Variants in PDE4D observed in about 807,000 individuals in gnomAD.
PDE4D encodes 3',5'-cyclic-AMP phosphodiesterase 4D.
PDE4D carries 24 observed loss-of-function variants against 87.4 expected under a neutral mutation model. The ratio of observed to expected loss-of-function variants is 0.27; its 90% CI spans 0.20 to 0.39. PDE4D has a LOEUF of 0.39. PDE4D is among the 10% of genes least tolerant of loss of function. PDE4D has a pLI of 1.00. For synonymous variants in PDE4D, 384 were observed against 383.2 expected, an observed-to-expected ratio of 1.00 and a Z score of -0.02; for missense variants, 714 against 1,041.0, an observed-to-expected ratio of 0.69 and a Z score of 4.32.
chr5:59,201,520 T>A (rs1456278158), intron 2 of PDE4D, among the ~76,000 whole-genome samples: 1 of 152,106 alleles, frequency 6.6e-6, no homozygotes, highest in African/African-American at 2.4e-5. Context: ...AGGCATTAGA[T>A]TTTTTTATAA....
chr5:60,445,691 T>C (rs574794913), intron 1 of PDE4D, among the ~76,000 whole-genome samples: 2 of 152,234 alleles, frequency 1.3e-5, no homozygotes, highest in Non-Finnish European at 2.9e-5. Context: ...GTTCCAGTTA[T>C]GTAAAATGAT....
chr5:60,515,414 C>T (rs1750748501), intron 1 of PDE4D, among the ~76,000 whole-genome samples: 2 of 152,106 alleles, frequency 1.3e-5, no homozygotes, highest in African/African-American at 2.4e-5. Flanking sequence ...CATTAATTTA[C>T]ATCTTTACTG....
chr5:59,896,906 A>G (rs1294736606), upstream of PDE4D, among the ~76,000 whole-genome samples: 2 of 152,220 alleles, frequency 1.3e-5, no homozygotes, highest in African/African-American at 4.8e-5. Context: ...TTTAATTAAA[A>G]CAACAAAAAT....
rs1298062230 is a variant in PDE4D at position 58,974,060 on chromosome 5, T to C, written c.*604A>G. 1.3e-5 allele frequency: 2 copies of C among 152,552 alleles called. No homozygotes were observed. The highest frequency in any genetic ancestry group is 4.8e-5 in the African/African-American group (2 of 41,418). The allele number at this position is 152,552 out of a possible 1,614,324, so 9.4% of individuals were successfully genotyped here. A position where few individuals can be genotyped will look rare whatever the true frequency, so the allele number is the denominator to read the frequency against. On this transcript the variant is annotated 3_prime_UTR_variant, in exon 15 of 15. Coordinates refer to ENST00000340635, the MANE Select transcript of PDE4D (RefSeq NM_001104631.2). ...TTTAAATATAATACCTCAATACATT[T>C]AATAATAAAAGTAAGCTCTACAAAA...
chr5:59,156,115 T>G (rs191703353), intron 5 of PDE4D, among the ~76,000 whole-genome samples: 2 of 151,966 alleles, frequency 1.3e-5, no homozygotes, highest in African/African-American at 4.8e-5. Flanking sequence ...GATGTGGGAT[T>G]ATTTTTCCCA....
chr5:59,805,040 G>A (rs553738889), intron 1 of PDE4D, among the ~76,000 whole-genome samples: 3 of 152,060 alleles, frequency 2.0e-5, no homozygotes, highest in African/African-American at 4.8e-5. Context: ...TGATCCACCC[G>A]CCTCGGTCTC....
chr5:60,220,676 A>G (rs904862567), intron 1 of PDE4D, among the ~76,000 whole-genome samples: 19 of 151,720 alleles, frequency 1.3e-4, no homozygotes, highest in Admixed American at 6.6e-4. Flanking sequence ...TGCAGAAAAA[A>G]CCTTCCCCAT....
chr5:59,781,752 T>C (rs995034533), intron 1 of PDE4D, among the ~76,000 whole-genome samples: 7 of 114,478 alleles, frequency 6.1e-5, no homozygotes, highest in Non-Finnish European at 1.1e-4. Flanking sequence ...ACCACTGCAC[T>C]CCAGCCTGGG....
chr5:60,455,123 A>G (rs1746373390), intron 1 of PDE4D, among the ~76,000 whole-genome samples: 2 of 152,180 alleles, frequency 1.3e-5, no homozygotes, highest in Non-Finnish European at 2.9e-5. Context: ...AAATTTTAAA[A>G]TTCTTGCATG....
intron 3 of PDE4D, among the ~76,000 whole-genome samples, chr5:59,932,940 G>A (rs1756134539): frequency 6.9e-6 from 1 of 144,650 alleles, no homozygotes; most frequent in Non-Finnish European, 1.5e-5. Flanking sequence ...CCAGGGAGCA[G>A]CTAACCCTTT....
intron 1 of PDE4D, among the ~76,000 whole-genome samples, chr5:60,209,524 CAATAAT>C (rs1742947178): frequency 6.6e-6 from 1 of 152,098 alleles, no homozygotes; most frequent in Non-Finnish European, 1.5e-5. Context: ...GAGGAAGAAT[CAATAAT>C]GATAATGTCA....
chr5:59,896,285 C>T (rs1561832728), upstream of PDE4D, among the ~76,000 whole-genome samples: 6 of 152,194 alleles, frequency 3.9e-5, no homozygotes, highest in South Asian at 1.2e-3. Flanking sequence ...TTATTCCTGC[C>T]AGGCTGGGAA....
intron 2 of PDE4D, among the ~76,000 whole-genome samples, chr5:60,028,689 T>C (rs1031437112): frequency 1.3e-5 from 2 of 152,202 alleles, no homozygotes; most frequent in Non-Finnish European, 2.9e-5. Context: ...CCTATAGTTC[T>C]TTGCTTTAAG....
chr5:59,043,694 A>G (rs1331582513), intron 5 of PDE4D, among the ~76,000 whole-genome samples: 2 of 152,020 alleles, frequency 1.3e-5, no homozygotes, highest in South Asian at 2.1e-4. Context: ...TCCTAATGCT[A>G]TCCCTCCCCC....
intron 1 of PDE4D, among the ~76,000 whole-genome samples, chr5:59,439,631 G>C (rs1244707685): frequency 4.6e-5 from 7 of 152,102 alleles, no homozygotes; most frequent in African/African-American, 1.4e-4. Flanking sequence ...TAGGTAAATG[G>C]ACATAGTAAG....
chr5:59,378,055 T>TA (rs796411932), intron 1 of PDE4D, among the ~76,000 whole-genome samples: 15 of 150,958 alleles, frequency 9.9e-5, no homozygotes, highest in Non-Finnish European at 1.6e-4. Flanking sequence ...ATAGACTGGA[T>TA]AAAAAAAAAT....
chr5:60,237,484 C>T (rs1746556805), intron 1 of PDE4D, among the ~76,000 whole-genome samples: 1 of 151,982 alleles, frequency 6.6e-6, no homozygotes, highest in African/African-American at 2.4e-5. Context: ...GGATCAAAGA[C>T]ATTATGCTGT....
intron 1 of PDE4D, among the ~76,000 whole-genome samples, chr5:59,616,943 A>ATATATATATATATATATATCTATC (rs1351290068): frequency 7.2e-6 from 1 of 139,162 alleles, no homozygotes; most frequent in Non-Finnish European, 1.6e-5. Context: ...ATATATATAT[A>ATATATATATATATATATATCTATC]TATCTCCAAG....
Position 59,929,031 on chromosome 5 carries a change from T to C in PDE4D, c.272+59457A>G, listed in dbSNP as rs139694650. Among the ~76,000 whole-genome samples the C allele has an allele frequency of 4.7e-3, 715 of 152,186 alleles. 10 individuals are homozygous for C. Among genetic ancestry groups the C allele is most frequent in the African/African-American group, 0.016 (684 of 41,564 alleles). The stretch of plus-strand genomic sequence containing the variant: ...AAGGGCTTAAATAAGGATTCTTTTC[T>C]GAGTCATAAAAAATTAGATGTACTT... On this transcript the variant is annotated intron_variant, in intron 3 of 16. Transcript: ENST00000502484.
Sources: allele counts gnomAD v4.1 joint callset (sites outside exome capture counted in the v4.1 genomes callset), GRCh38; gene constraint gnomAD v4.1.1; transcripts MANE v1.5; gene names NCBI Gene and HGNC (gene_info 2026-07-23, HGNC 2026-07-21).